PITPNM2: variants seen among roughly 807,000 people sequenced by gnomAD.
PITPNM2 encodes the protein phosphatidylinositol transfer protein membrane associated 2, also known as membrane-associated phosphatidylinositol transfer protein 2.
PITPNM2 carries 35 observed loss-of-function variants against 132.2 expected under a neutral mutation model. That is an observed-to-expected ratio of 0.26 (90% CI 0.20 to 0.35). PITPNM2 has a LOEUF of 0.35. Among genes scored for constraint, PITPNM2 ranks in the 10% least tolerant of loss-of-function variants. The pLI is 1.00. For missense variants in PITPNM2, 1,332 were observed against 1,912.0 expected (o/e 0.70, Z 5.66); for synonymous variants, 738 against 799.2 (o/e 0.92, Z 1.29).
intron 1 of PITPNM2, among the ~76,000 whole-genome samples, chr12:123,135,072 G>A (rs1053029435): frequency 6.6e-5 from 10 of 152,094 alleles, no homozygotes; most frequent in South Asian, 2.1e-4. Context: ...GCAGCCTTTC[G>A]CAGTGCCCAC....
chr12:122,988,711 AG>A lies in PITPNM2; in HGVS notation c.2880+12del. The A allele has an allele frequency of 6.4e-7, 1 of 1,552,354 alleles. No individual in the cohort carries two copies. Among genetic ancestry groups the A allele is most frequent in the Non-Finnish European group, 8.7e-7 (1 of 1,147,318 alleles). ...ACTCAGGGCCCTCCTGGGAGGTCCC[AG>A]GCCCCGGGTACCTGTCTCAGCAGAA... On this transcript the variant is annotated intron_variant, in intron 19 of 25. Coordinates refer to ENST00000320201, the MANE Select transcript of PITPNM2 (RefSeq NM_020845.3).
At chr12:122,987,220 T>A in intron 23 of PITPNM2, 61 bp downstream of exon 23, 1 of 1,594,526 alleles carries the variant, frequency 6.3e-7, no homozygotes, top group Non-Finnish European at 8.6e-7. Flanking sequence ...ACCTGGCTGG[T>A]GGGAGCCCCT....
At position 123,121,327 on chromosome 12, in the gene PITPNM2, T is replaced by C. The variant is rs538468040; in HGVS notation, c.-199-10839A>G. On this transcript the variant is annotated intron_variant, in intron 1 of 25. Transcript: ENST00000320201. The stretch of plus-strand genomic sequence containing the variant: ...AGTTTGAGGCTGCAGTAGGACATGA[T>C]CATGCCCTCCAGCCTGGGCAACAGA... Among the ~76,000 whole-genome samples, 7 of 152,326 alleles carry C rather than the reference T, an allele frequency of 4.6e-5. No homozygotes were observed. In the East Asian group the frequency reaches 1.3e-3, roughly 29 times the overall value.
intron 1 of PITPNM2, among the ~76,000 whole-genome samples, chr12:123,142,705 C>A (rs560040912): frequency 9.2e-5 from 14 of 152,322 alleles, no homozygotes; most frequent in African/African-American, 3.4e-4. Context: ...TTTCCTTACA[C>A]GATAACCCGC....
In PITPNM2 at chr12:123,000,506, T is replaced by C. The variant is rs1423374478; in HGVS notation, c.1224+272A>G. 7 of 701,950 alleles carry C rather than the reference T, an allele frequency of 1.0e-5. No individual in the cohort carries two copies. In the East Asian group the frequency reaches 1.3e-4, roughly 13 times the overall value. The allele number at this position is 701,950 out of a possible 1,614,324, so 43.5% of individuals were successfully genotyped here. ...GGAATTTACAAGTTTCTCATTTTAC[T>C]TTCCCATGGGTGGAGCTTGGATAAG... On this transcript the variant is annotated intron_variant, in intron 10 of 25. Coordinates refer to ENST00000320201, the MANE Select transcript of PITPNM2 (RefSeq NM_020845.3). The surrounding 1 kb of genome is among the most constrained non-coding windows in gnomAD (Gnocchi z 5.4).
At chr12:123,075,932 C>G (rs529423414) in intron 2 of PITPNM2, 1 of 152,246 alleles carries the variant, frequency 6.6e-6, no homozygotes, top group African/African-American at 2.4e-5. Context: ...TGAGCTCACA[C>G]GAAAGCCCTC....
At chr12:123,011,880 A>G (rs932951404) in intron 5 of PITPNM2, among the ~76,000 whole-genome samples, 1 of 152,126 alleles carries the variant, frequency 6.6e-6, no homozygotes, top group Non-Finnish European at 1.5e-5. Flanking sequence ...CAAGCCACTC[A>G]TGCTATGACG....
At chr12:123,143,930 G>T (rs1297522550) in intron 1 of PITPNM2, among the ~76,000 whole-genome samples, 1 of 152,184 alleles carries the variant, frequency 6.6e-6, no homozygotes, top group Non-Finnish European at 1.5e-5. Flanking sequence ...CCTGAGCTAG[G>T]CTGGATACAC....
intron 2 of PITPNM2, among the ~76,000 whole-genome samples, chr12:123,080,140 A>G (rs893974110): frequency 6.6e-6 from 1 of 152,118 alleles, no homozygotes; most frequent in Non-Finnish European, 1.5e-5. Flanking sequence ...ATCCCAGTAC[A>G]TGGATGGACC....
At position 123,095,121 on chromosome 12, in the gene PITPNM2, C is replaced by T. The variant is rs1378080948; in HGVS notation, c.-96+15264G>A. ...TAGGGTGGCTGCTGGGGATCCAAGA[C>T]TCTCCACTCCACCATCCTTGCACAG... On this transcript the variant is annotated intron_variant, in intron 2 of 25. Transcript: ENST00000320201. This position sits in a 1 kb window ranked among gnomAD's most constrained non-coding sequence, Gnocchi z 5.0. Among the ~76,000 whole-genome samples, 2 of 152,194 alleles carry T rather than the reference C, an allele frequency of 1.3e-5. No individual in the cohort carries two copies. The highest frequency in any genetic ancestry group is 2.9e-5 in the Non-Finnish European group (2 of 68,026).
intron 14 of PITPNM2, 135 bp from the exon 15 acceptor site, chr12:122,995,114 G>T (rs1028656116): frequency 9.3e-7 from 1 of 1,079,562 alleles, no homozygotes; most frequent in African/African-American, 1.6e-5. Context: ...TGGACCACCT[G>T]CCCCTGGTCC....
At chr12:123,063,710 A>G (rs2041322459) in intron 2 of PITPNM2, among the ~76,000 whole-genome samples, 1 of 152,148 alleles carries the variant, frequency 6.6e-6, no homozygotes, top group Non-Finnish European at 1.5e-5. Context: ...AAAAGCCTAG[A>G]GCAGGGACCC....
chr12:123,014,512 T>C (rs181475722), intron 3 of PITPNM2, among the ~76,000 whole-genome samples: 15 of 152,328 alleles, frequency 9.8e-5, no homozygotes, highest in Admixed American at 4.6e-4. Context: ...GAGACCAGCC[T>C]GGGCAACATG....
At position 122,992,829 on chromosome 12, in the gene PITPNM2, C is replaced by CT. The variant is rs56871810; in HGVS notation, c.2234-161dup. On this transcript the variant is annotated intron_variant, in intron 15 of 25. Transcript: ENST00000320201. The surrounding 1 kb of genome is among the most constrained non-coding windows in gnomAD (Gnocchi z 6.5). Reference sequence around the variant, plus strand: ...TTGGGACCTGTTTGGGTCATTGTCACTTTTTTGTTTGTTTGAGACAGGGTC... The same window carrying CT: ...TTGGGACCTGTTTGGGTCATTGTCACTTTTTTTGTTTGTTTGAGACAGGGTC... Among the ~76,000 whole-genome samples, 5,481 of 151,988 alleles carry CT rather than the reference C, an allele frequency of 0.036. 320 individuals carry two copies. Among genetic ancestry groups the CT allele is most frequent in the African/African-American group, 0.12 (5,107 of 41,376 alleles).
intron 1 of PITPNM2, among the ~76,000 whole-genome samples, chr12:123,133,113 A>G (rs2043303048): frequency 6.6e-6 from 1 of 152,236 alleles, no homozygotes; most frequent in Admixed American, 6.5e-5. Context: ...TTTTGTGTTT[A>G]ACCACTTGAG....
At chr12:122,996,640 G>C in intron 12 of PITPNM2, 63 bp from the exon 13 acceptor site, 1 of 1,611,354 alleles carries the variant, frequency 6.2e-7, no homozygotes, top group Non-Finnish European at 8.5e-7. Flanking sequence ...AGGCTGGGGA[G>C]GCCGTCACCT....
At chr12:123,030,005 G>A (rs1384171482) in intron 3 of PITPNM2, among the ~76,000 whole-genome samples, 1 of 152,176 alleles carries the variant, frequency 6.6e-6, no homozygotes, top group African/African-American at 2.4e-5. Flanking sequence ...CCCACAAAGA[G>A]GTGGAAGGCA....
chr12:123,100,640 A>C (rs2042542225), intron 2 of PITPNM2, among the ~76,000 whole-genome samples: 4 of 152,150 alleles, frequency 2.6e-5, no homozygotes, highest in Admixed American at 2.0e-4. Context: ...AAAAAAAAAA[A>C]ATCATGCAGC....
chr12:123,039,698 C>T (rs867265656), intron 2 of PITPNM2, among the ~76,000 whole-genome samples: 3 of 152,134 alleles, frequency 2.0e-5, no homozygotes, highest in South Asian at 2.1e-4. Context: ...GTGTAATCTA[C>T]GGACTTAGGG....
Sources: allele counts gnomAD v4.1 joint callset (sites outside exome capture counted in the v4.1 genomes callset), GRCh38; gene constraint gnomAD v4.1.1; non-coding constraint Gnocchi (gnomAD v3.1); transcripts MANE v1.5; gene names NCBI Gene and HGNC (gene_info 2026-07-23, HGNC 2026-07-21).